ADAM12: variants seen among roughly 807,000 people sequenced by gnomAD.
The protein encoded by ADAM12 is disintegrin and metalloproteinase domain-containing protein 12.
In ADAM12, 70 loss-of-function variants were observed where a neutral mutation model predicts 106.4. The observed-to-expected ratio is 0.66, with a 90% CI of 0.54 to 0.80. The LOEUF is 0.80. ADAM12 is among the 30% of genes least tolerant of loss of function. The pLI, the probability that ADAM12 is intolerant of heterozygous loss-of-function variation, is 0.00. For synonymous variants in ADAM12, 420 were observed against 433.5 expected (o/e 0.97, Z 0.39); for missense variants, 1,010 against 1,171.9 (o/e 0.86, Z 2.02).
At chr10:126,346,890 A>T (rs11244963) in intron 1 of ADAM12, among the ~76,000 whole-genome samples, 34,340 of 151,586 alleles carry the variant, frequency 0.23, 4,288 homozygotes, top group African/African-American at 0.32. Flanking sequence ...TCTTCCTCCA[A>T]CCCTTTATTT....
At position 126,293,399 on chromosome 10, in the gene ADAM12, T is replaced by C. The variant is rs78119953; in HGVS notation, c.187-14411A>G. Among the ~76,000 whole-genome samples, 42 of 152,346 alleles carry C rather than the reference T, an allele frequency of 2.8e-4. No individual in the cohort carries two copies. The East Asian group carries it at 8.1e-3, about 29-fold the overall frequency. On this transcript the variant is annotated intron_variant, in intron 2 of 22. Transcript: ENST00000448723. ...TCATCTTATGTCTGGCTAGCTTCAC[T>C]AGTTTGTAACCCTGGCCTGGCCCCT...
chr10:126,129,252 G>A (rs1956262114), intron 5 of ADAM12, among the ~76,000 whole-genome samples: 1 of 152,230 alleles, frequency 6.6e-6, no homozygotes, highest in South Asian at 2.1e-4. Flanking sequence ...CTGAGAGAGC[G>A]GGGCAAGAGA....
intron 5 of ADAM12, among the ~76,000 whole-genome samples, chr10:126,119,038 A>T (rs754410276): frequency 1.4e-4 from 21 of 152,334 alleles, no homozygotes; most frequent in Non-Finnish European, 2.6e-4. Context: ...CCATGAGTAC[A>T]AATTTATATT....
chr10:126,094,792 G>C (rs760969620), intron 10 of ADAM12, among the ~76,000 whole-genome samples: 8 of 152,220 alleles, frequency 5.3e-5, no homozygotes, highest in Non-Finnish European at 1.2e-4. Flanking sequence ...GCAGACTTTG[G>C]AAATGGGAGG....
At chr10:126,377,842 G>C (rs1256940533) in intron 1 of ADAM12, among the ~76,000 whole-genome samples, 1 of 152,122 alleles carries the variant, frequency 6.6e-6, no homozygotes, top group Non-Finnish European at 1.5e-5. Context: ...TTCCAGATGG[G>C]GGGAAACAGA....
At chr10:126,251,773 GATGA>G (rs1958769735) in intron 3 of ADAM12, among the ~76,000 whole-genome samples, 1 of 151,988 alleles carries the variant, frequency 6.6e-6, no homozygotes. Context: ...GGGATGATGG[GATGA>G]ATGGATTGGA....
chr10:126,148,542 G>T (rs1319775606), intron 4 of ADAM12, among the ~76,000 whole-genome samples: 1 of 152,154 alleles, frequency 6.6e-6, no homozygotes, highest in Non-Finnish European at 1.5e-5. Flanking sequence ...TGACTGCTTG[G>T]AAAGGCATTC....
intron 2 of ADAM12, among the ~76,000 whole-genome samples, chr10:126,322,366 C>A (rs546865924): frequency 4.6e-5 from 7 of 152,360 alleles, no homozygotes; most frequent in African/African-American, 1.7e-4. Flanking sequence ...CTGCCAGTTT[C>A]CTGTCCTTCC....
chr10:126,314,969 G>C (rs1037357063), intron 2 of ADAM12, among the ~76,000 whole-genome samples: 2 of 152,148 alleles, frequency 1.3e-5, no homozygotes, highest in African/African-American at 2.4e-5. Flanking sequence ...GGACTGGTAA[G>C]GTAATTAACG....
At chr10:126,176,515 A>G (rs756783730) in intron 3 of ADAM12, among the ~76,000 whole-genome samples, 1 of 152,256 alleles carries the variant, frequency 6.6e-6, no homozygotes, top group Non-Finnish European at 1.5e-5. Flanking sequence ...AGACATTGCC[A>G]TTGCAAGAAC....
intron 3 of ADAM12, among the ~76,000 whole-genome samples, chr10:126,239,381 G>GA (rs1487601561): frequency 6.6e-6 from 1 of 152,186 alleles, no homozygotes; most frequent in Admixed American, 6.5e-5. Flanking sequence ...TATAGGATAT[G>GA]ACATAACAGT....
intron 3 of ADAM12, among the ~76,000 whole-genome samples, chr10:126,251,968 ATGGT>A (rs1958784800): frequency 2.7e-5 from 1 of 37,184 alleles, no homozygotes; most frequent in Admixed American, 2.7e-4. Context: ...GAATGGATAG[ATGGT>A]TGGATGAACA....
intron 3 of ADAM12, among the ~76,000 whole-genome samples, chr10:126,159,817 A>T (rs1161425263): frequency 6.6e-6 from 1 of 152,210 alleles, no homozygotes; most frequent in Non-Finnish European, 1.5e-5. Flanking sequence ...AAGCCCTAAA[A>T]CTACCCACTG....
At chr10:126,164,058 G>A (rs1956983082) in intron 3 of ADAM12, among the ~76,000 whole-genome samples, 1 of 152,174 alleles carries the variant, frequency 6.6e-6, no homozygotes, top group South Asian at 2.1e-4. Flanking sequence ...CGGTCATCCA[G>A]TTCAATGCTG....
At chr10:126,279,688 T>C (rs1255772581) in intron 2 of ADAM12, among the ~76,000 whole-genome samples, 1 of 150,282 alleles carries the variant, frequency 6.7e-6, no homozygotes, top group Non-Finnish European at 1.5e-5. Flanking sequence ...GATTGCACCA[T>C]TGCACTCCAG....
At chr10:126,310,158 CAAAA>C (rs35363888) in intron 2 of ADAM12, among the ~76,000 whole-genome samples, 4 of 100,528 alleles carry the variant, frequency 4.0e-5, no homozygotes, top group African/African-American at 1.1e-4. Context: ...GACTCTGTCT[CAAAA>C]AAAAAAAAAA....
chr10:126,059,571 A>G (rs1170676770), intron 14 of ADAM12, among the ~76,000 whole-genome samples: 1 of 152,230 alleles, frequency 6.6e-6, no homozygotes, highest in Non-Finnish European at 1.5e-5. Context: ...TGATTCATAA[A>G]TGCACTGCCC....
At chr10:126,336,816 G>A (rs1370078399) in intron 1 of ADAM12, among the ~76,000 whole-genome samples, 3 of 152,146 alleles carry the variant, frequency 2.0e-5, no homozygotes, top group Non-Finnish European at 4.4e-5. Context: ...GCTGAATTAC[G>A]AAGATGTAGG....
chr10:126,031,028 C>T (rs1386641560), intron 21 of ADAM12, among the ~76,000 whole-genome samples: 2 of 152,174 alleles, frequency 1.3e-5, no homozygotes, highest in Non-Finnish European at 2.9e-5. Flanking sequence ...TAGGGCAGAG[C>T]TGGCATACTG....
Sources: allele counts gnomAD v4.1 joint callset (sites outside exome capture counted in the v4.1 genomes callset), GRCh38; gene constraint gnomAD v4.1.1; transcripts MANE v1.5; gene names NCBI Gene and HGNC (gene_info 2026-07-23, HGNC 2026-07-21).